Variants in SUGCT observed in about 807,000 individuals in gnomAD.
The protein encoded by SUGCT is succinyl-CoA:glutarate CoA-transferase.
Under a neutral mutation model 55.0 loss-of-function variants are expected in SUGCT, and 41 were observed. The observed-to-expected ratio is 0.74, with a 90% confidence interval of 0.58 to 0.97. The LOEUF is 0.97. SUGCT is among the 50% of genes least tolerant of loss of function. The probability of loss-of-function intolerance (pLI) is 0.00; values close to 1 mark genes in which losing one functional copy is unlikely to be tolerated. For synonymous variants in SUGCT, 187 were observed against 200.4 expected, an observed-to-expected ratio of 0.93 and a Z score of 0.56; for missense variants, 568 against 547.8, an observed-to-expected ratio of 1.04 and a Z score of -0.37.
the SUGCT span, among the ~76,000 whole-genome samples, chr7:40,961,569 A>G: frequency 1.3e-5 from 2 of 152,236 alleles, no homozygotes; most frequent in East Asian, 3.8e-4. Context: ...AAAAGCAATT[A>G]AAGCCTAAGA....
At chr7:40,350,025 A>G (rs1360550745) in intron 9 of SUGCT, among the ~76,000 whole-genome samples, 2 of 152,088 alleles carry the variant, frequency 1.3e-5, no homozygotes, top group Non-Finnish European at 2.9e-5. Context: ...TTTTACCTGT[A>G]TGAGTTATCA....
At chr7:40,426,727 G>C (rs890759526) in intron 9 of SUGCT, among the ~76,000 whole-genome samples, 1 of 152,158 alleles carries the variant, frequency 6.6e-6, no homozygotes, top group African/African-American at 2.4e-5. Context: ...TATGGAAATA[G>C]TTGGGGACAA....
intron 13 of SUGCT, among the ~76,000 whole-genome samples, chr7:40,840,670 A>T (rs1309384061): frequency 2.6e-5 from 4 of 152,118 alleles, no homozygotes; most frequent in Non-Finnish European, 5.9e-5. Context: ...AAAAGTAAAA[A>T]ATAAACCCAA....
chr7:40,902,579 C>CAAAA, the SUGCT span, among the ~76,000 whole-genome samples: 3,001 of 123,638 alleles, frequency 0.024, 186 homozygotes, highest in African/African-American at 0.09. Context: ...GACTCCATCT[C>CAAAA]AAAAAAAAAA....
At chr7:40,613,770 C>T (rs375793702) in intron 12 of SUGCT, among the ~76,000 whole-genome samples, 5 of 152,256 alleles carry the variant, frequency 3.3e-5, no homozygotes, top group African/African-American at 1.2e-4. Flanking sequence ...GCCACCACGC[C>T]CAGCTAATTT....
intron 9 of SUGCT, among the ~76,000 whole-genome samples, chr7:40,446,734 A>G (rs1398427453): frequency 6.6e-6 from 1 of 152,200 alleles, no homozygotes; most frequent in Non-Finnish European, 1.5e-5. Context: ...TTCTTCAGAT[A>G]TCATGTTAGG....
chr7:40,742,603 GT>G (rs1191187167), intron 12 of SUGCT, among the ~76,000 whole-genome samples: 1 of 152,102 alleles, frequency 6.6e-6, no homozygotes, highest in Non-Finnish European at 1.5e-5. Flanking sequence ...ACCTCCTGCT[GT>G]TCAGGTCACT....
chr7:40,458,954 G>C, intron 10 of SUGCT, 147 bp from the exon 11 acceptor site: 1 of 570,850 alleles, frequency 1.8e-6, no homozygotes, highest in South Asian at 2.4e-5. Context: ...TCGTGTGCTT[G>C]TTCCCTCCAT....
chr7:40,660,504 G>A (rs1801249094), intron 12 of SUGCT, among the ~76,000 whole-genome samples: 2 of 152,164 alleles, frequency 1.3e-5, no homozygotes, highest in African/African-American at 2.4e-5. Context: ...TGATCTGCCC[G>A]CCTCGGCCTC....
chr7:40,421,419 C>T (rs1024474590), intron 9 of SUGCT, among the ~76,000 whole-genome samples: 4 of 152,168 alleles, frequency 2.6e-5, no homozygotes, highest in Non-Finnish European at 5.9e-5. Flanking sequence ...CTGACTCCTG[C>T]GTCCTGGACA....
chr7:40,530,863 C>T (rs1416542938), intron 12 of SUGCT, among the ~76,000 whole-genome samples: 2 of 152,150 alleles, frequency 1.3e-5, no homozygotes, highest in Non-Finnish European at 2.9e-5. Flanking sequence ...TTTTTTCGAT[C>T]ATGGGTTAGG....
At chr7:40,976,332 A>G in the SUGCT span, among the ~76,000 whole-genome samples, 58,163 of 152,052 alleles carry the variant, frequency 0.38, 11,225 homozygotes, top group South Asian at 0.42. Context: ...GTTCTTAGCT[A>G]TGACTTTGGG....
At chr7:40,992,855 G>A in the SUGCT span, among the ~76,000 whole-genome samples, 1 of 152,140 alleles carries the variant, frequency 6.6e-6, no homozygotes, top group Non-Finnish European at 1.5e-5. Flanking sequence ...AGAATTTAAG[G>A]CATATATTCA....
chr7:40,690,156 G>A (rs534580714), intron 12 of SUGCT, among the ~76,000 whole-genome samples: 89 of 152,226 alleles, frequency 5.8e-4, no homozygotes, highest in African/African-American at 1.9e-3. Flanking sequence ...AAAGGATGCC[G>A]AAAACATGTG....
intron 9 of SUGCT, among the ~76,000 whole-genome samples, chr7:40,320,549 G>A (rs946830839): frequency 6.6e-6 from 1 of 152,162 alleles, no homozygotes; most frequent in Non-Finnish European, 1.5e-5. Context: ...TGTCAGTGGG[G>A]CCACTGCCCT....
intron 12 of SUGCT, among the ~76,000 whole-genome samples, chr7:40,596,619 A>G (rs929434086): frequency 3.9e-5 from 6 of 152,142 alleles, no homozygotes; most frequent in Non-Finnish European, 7.4e-5. Flanking sequence ...TTGGCTTTAT[A>G]TATCTTTGGA....
intron 12 of SUGCT, among the ~76,000 whole-genome samples, chr7:40,655,060 T>G (rs1800952140): frequency 6.6e-6 from 1 of 152,190 alleles, no homozygotes; most frequent in Non-Finnish European, 1.5e-5. Flanking sequence ...TTTTGGAGGC[T>G]GAGGCGGGGC....
intron 13 of SUGCT, among the ~76,000 whole-genome samples, chr7:40,800,076 G>C (rs1301748410): frequency 6.6e-6 from 1 of 152,134 alleles, no homozygotes; most frequent in African/African-American, 2.4e-5. Flanking sequence ...ACATTCAAAA[G>C]TCATTGTCAT....
chr7:40,468,486 T>C (rs1283859176), intron 11 of SUGCT, among the ~76,000 whole-genome samples: 2 of 152,322 alleles, frequency 1.3e-5, no homozygotes, highest in East Asian at 3.9e-4. Flanking sequence ...CACTTTGAAC[T>C]GTTTTAAAAT....
Sources: allele counts gnomAD v4.1 joint callset (sites outside exome capture counted in the v4.1 genomes callset), GRCh38; gene constraint gnomAD v4.1.1; transcripts MANE v1.5; gene names NCBI Gene and HGNC (gene_info 2026-07-23, HGNC 2026-07-21).